Variants in ZC3H7A observed in about 807,000 individuals in gnomAD.
ZC3H7A encodes the protein zinc finger CCCH domain-containing protein 7A.
ZC3H7A carries 44 observed loss-of-function variants against 125.5 expected under a neutral mutation model. The observed-to-expected ratio is 0.35, with a 90% CI of 0.28 to 0.45. The LOEUF (loss-of-function observed/expected upper bound fraction) is 0.45. Ranked by LOEUF, ZC3H7A falls within the 20% of genes least tolerant of loss-of-function variation. The pLI, the probability that ZC3H7A is intolerant of heterozygous loss-of-function variation, is 1.00. For synonymous variants in ZC3H7A, 399 were observed against 391.2 expected (o/e 1.02, Z -0.23); for missense variants, 977 against 1,170.7 (o/e 0.83, Z 2.41).
At chr16:11,770,534 A>C (rs900702248) in intron 10 of ZC3H7A, among the ~76,000 whole-genome samples, 1 of 152,220 alleles carries the variant, frequency 6.6e-6, no homozygotes, top group African/African-American at 2.4e-5. Flanking sequence ...CTCCCAGCTT[A>C]ACAAACTATC....
chr16:11,782,308 T>G lies in ZC3H7A; in HGVS notation c.47A>C (p.Lys16Thr). Reference sequence around the variant, plus strand: ...TTACTGTATAAACTGCAGTCCTTCCTTAATGTTCTGCTGCCTTTTTCTTCT... The same window carrying G: ...TTACTGTATAAACTGCAGTCCTTCCGTAATGTTCTGCTGCCTTTTTCTTCT... ...EERRKRQQNIKEGLQFIQSPL... is the reference protein window; with the variant it reads ...EERRKRQQNITEGLQFIQSPL... The change falls in exon 2 of 23, where the codon AAG becomes ACG. Residue 16 changes from lysine to threonine, a missense_variant. Lys to Thr is a moderately conservative substitution (Grantham distance 78). This residue lies in a region of ZC3H7A where 199 missense variants were observed against 256.1 expected (regional missense o/e 0.78). Transcript: ENST00000355758. 6.2e-7 allele frequency: 1 copy of G among 1,614,234 alleles called. No individual in the cohort carries two copies. The highest frequency in any genetic ancestry group is 1.1e-5 in the South Asian group (1 of 91,082).
chr16:11,777,018 C>T (rs904951259), intron 4 of ZC3H7A, 109 bp from the exon 5 acceptor site: 6 of 807,750 alleles, frequency 7.4e-6, no homozygotes, highest in African/African-American at 7.1e-5. Context: ...TACCCTCCCT[C>T]TAAACTCCAA....
At chr16:11,772,856 C>G (rs2053010288) in intron 9 of ZC3H7A, among the ~76,000 whole-genome samples, 1 of 151,724 alleles carries the variant, frequency 6.6e-6, no homozygotes, top group Admixed American at 6.6e-5. Flanking sequence ...ACCACCATGC[C>G]CAGCTAATTT....
At chr16:11,762,152 AT>A in intron 17 of ZC3H7A, 109 bp from the exon 18 acceptor site, 2 of 1,131,394 alleles carry the variant, frequency 1.8e-6, no homozygotes, top group Non-Finnish European at 2.4e-6. Flanking sequence ...ACAATTTCCC[AT>A]TTTTATCTGA....
intron 1 of ZC3H7A, among the ~76,000 whole-genome samples, chr16:11,788,533 G>C (rs149694898): frequency 6.6e-6 from 1 of 151,896 alleles, no homozygotes; most frequent in South Asian, 2.1e-4. Flanking sequence ...CCTTCCGCCC[G>C]TTTGCCCTCC....
rs971326443 is a variant in ZC3H7A, at chr16:11,773,810, G to A, written c.903+426C>T. Among the ~76,000 whole-genome samples the A allele has an allele frequency of 4.6e-5, 7 of 151,884 alleles. 1 individual carries two copies. The highest frequency in any genetic ancestry group is 1.7e-4 in the African/African-American group (7 of 41,218). On this transcript the variant is annotated intron_variant, in intron 9 of 22. Transcript: ENST00000355758. ...AGGCAGGAGAATGGTGTGAACCCGGGAGGCGGAGCTTACAGTGAGCCAAGA... is the reference window on the plus strand; with the variant it reads ...AGGCAGGAGAATGGTGTGAACCCGGAAGGCGGAGCTTACAGTGAGCCAAGA...
At chr16:11,790,079 CAAAAA>C (rs150579733) in intron 1 of ZC3H7A, among the ~76,000 whole-genome samples, 9 of 73,550 alleles carry the variant, frequency 1.2e-4, no homozygotes, top group Admixed American at 1.6e-4. Flanking sequence ...GACTCCATCT[CAAAAA>C]AAAAAAAAAA....
At chr16:11,793,583 C>T (rs1365850186) in intron 1 of ZC3H7A, among the ~76,000 whole-genome samples, 1 of 152,068 alleles carries the variant, frequency 6.6e-6, no homozygotes, top group African/African-American at 2.4e-5. Context: ...ACTCCATATT[C>T]AATTCTATCC....
chr16:11,779,472 G>A, intron 3 of ZC3H7A, 109 bp from the exon 4 acceptor site: 1 of 920,356 alleles, frequency 1.1e-6, no homozygotes. Context: ...TGACAGAACA[G>A]CAGCATTGCT....
chr16:11,775,097 G>A, intron 7 of ZC3H7A, 84 bp from the exon 8 acceptor site: 1 of 1,465,980 alleles, frequency 6.8e-7, no homozygotes, highest in Non-Finnish European at 9.5e-7. Context: ...CCTAGGCCGG[G>A]CACAGTGGCT....
rs749760059 is a variant in ZC3H7A, at chr16:11,776,802, T to A, written c.414A>T (p.Arg138Ser). Residue 138 changes from arginine to serine, a missense_variant, in exon 5 of 23, where the codon AGA becomes AGT. Arg to Ser is a moderately radical substitution (Grantham distance 110). Around this residue, in one of 3 missense-constraint regions of ZC3H7A, gnomAD observed 199 missense variants for 256.1 expected, o/e 0.78. Coordinates refer to ENST00000355758, the MANE Select transcript of ZC3H7A (RefSeq NM_014153.4). The part of the protein sequence containing the change: ...RKSKALSDLG[R>S]YKKAYDAVAK... ...CTACAGCATCGTAAGCCTTTTTGTATCTTCCTAAATCACTTAAAGCCTTAG... is the reference window on the plus strand; with the variant it reads ...CTACAGCATCGTAAGCCTTTTTGTAACTTCCTAAATCACTTAAAGCCTTAG... The A allele has an allele frequency of 6.8e-6, 11 of 1,613,342 alleles. No individual in the cohort carries two copies. The East Asian group carries it at 2.2e-4, about 33-fold the overall frequency.
rs546923272 is a variant in ZC3H7A at position 11,778,498 on chromosome 16, G to A, written c.306+668C>T. On this transcript the variant is annotated intron_variant, in intron 4 of 22. Coordinates refer to ENST00000355758, the MANE Select transcript of ZC3H7A (RefSeq NM_014153.4). ...GTTTTTTACCAAGAGTGTTTTACAA[G>A]ATCAACTGGATCTTGACTAAGATGT... is the stretch of plus-strand genomic sequence containing the variant. 4.2e-5 allele frequency among the ~76,000 whole-genome samples: 6 copies of A among 142,450 alleles called. No individual in the cohort carries two copies. In the Admixed American group the frequency reaches 4.2e-4, roughly 10 times the overall value. 93.5% of individuals were successfully genotyped at this position (142,450 alleles called of 152,430 possible).
chr16:11,784,920 A>T (rs990318564), intron 1 of ZC3H7A, among the ~76,000 whole-genome samples: 1 of 150,680 alleles, frequency 6.6e-6, no homozygotes, highest in Non-Finnish European at 1.5e-5. Flanking sequence ...GCACTTTGGG[A>T]GGCTGAGGTG....
At chr16:11,762,993 G>A (rs2052777762) in intron 16 of ZC3H7A, 1 of 428,562 alleles carries the variant, frequency 2.3e-6, no homozygotes, top group East Asian at 3.9e-5. Context: ...AGTAATTAAT[G>A]ACATGAGAAC....
rs1395967439 is a variant in ZC3H7A at position 11,751,028 on chromosome 16, T to C, written c.*289A>G. 4.0e-6 allele frequency: 1 copy of C among 249,248 alleles called. No homozygotes were observed. The highest frequency in any genetic ancestry group is 7.6e-6 in the Non-Finnish European group (1 of 130,958). 15.4% of individuals were successfully genotyped at this position (249,248 alleles called of 1,614,324 possible). A position where few individuals can be genotyped will look rare whatever the true frequency, so the allele number is the denominator to read the frequency against. ...TATGAAGGACCAACTCAAAGAGTTG[T>C]CCTAGATATAACCTTATCCTCTTCC... is the stretch of plus-strand genomic sequence containing the variant. On this transcript the variant is annotated 3_prime_UTR_variant, in exon 23 of 23. Transcript: ENST00000355758.
intron 1 of ZC3H7A, among the ~76,000 whole-genome samples, chr16:11,786,346 G>A (rs2053257003): frequency 6.6e-6 from 1 of 152,172 alleles, no homozygotes; most frequent in African/African-American, 2.4e-5. Context: ...CAGGACGATG[G>A]CCACACAGTT....
chr16:11,766,215 C>T (rs1382793572), intron 13 of ZC3H7A, among the ~76,000 whole-genome samples: 2 of 152,164 alleles, frequency 1.3e-5, no homozygotes, highest in African/African-American at 4.8e-5. Context: ...AGCCTTAGCT[C>T]AGTGTTTTGA....
chr16:11,784,429 T>G (rs1178673907), intron 1 of ZC3H7A, among the ~76,000 whole-genome samples: 1 of 152,154 alleles, frequency 6.6e-6, no homozygotes, highest in East Asian at 1.9e-4. Context: ...ATTTTTTAAA[T>G]TAACTCAGGC....
At chr16:11,796,228 C>A (rs1450331947) in intron 1 of ZC3H7A, 1 of 152,234 alleles carries the variant, frequency 6.6e-6, no homozygotes, top group Non-Finnish European at 1.5e-5. Flanking sequence ...CCAATGACAT[C>A]TTTTACTTTC....
Sources: gnomAD v4.1 joint callset for allele counts (sites outside exome capture counted in the v4.1 genomes callset) on GRCh38, gnomAD v4.1.1 for gene constraint, gnomAD v4.1.1 regional missense constraint, MANE v1.5 for transcripts, NCBI Gene and HGNC (gene_info 2026-07-23, HGNC 2026-07-21) for gene names.